Variants in SLC5A7 observed in about 807,000 individuals in gnomAD.
SLC5A7 encodes high affinity choline transporter 1.
Under a neutral mutation model 55.4 loss-of-function variants are expected in SLC5A7, and 19 were observed. The observed-to-expected ratio is 0.34, with a 90% CI of 0.24 to 0.50. SLC5A7 has a LOEUF of 0.50. Among genes scored for constraint, SLC5A7 ranks in the 20% least tolerant of loss-of-function variants. The pLI, the probability that SLC5A7 is intolerant of heterozygous loss-of-function variation, is 0.98. For missense variants in SLC5A7, 506 were observed against 705.3 expected, an observed-to-expected ratio of 0.72 and a Z score of 3.20; for synonymous variants, 265 against 263.7, an observed-to-expected ratio of 1.00 and a Z score of -0.05.
chr2:107,995,217 T>C (rs960260784), intron 4 of SLC5A7, among the ~76,000 whole-genome samples: 2 of 152,326 alleles, frequency 1.3e-5, no homozygotes, highest in African/African-American at 2.4e-5. Flanking sequence ...CTGAATACTA[T>C]AGGCAATTGT....
intron 5 of SLC5A7, among the ~76,000 whole-genome samples, 171 bp downstream of exon 5, chr2:107,998,157 G>T (rs17036632): frequency 1.3e-5 from 2 of 152,100 alleles, no homozygotes; most frequent in African/African-American, 2.4e-5. Flanking sequence ...TGAAAAACTC[G>T]TCATTTTGAT....
intron 6 of SLC5A7, among the ~76,000 whole-genome samples, chr2:108,005,265 C>G (rs1285593872): frequency 6.6e-6 from 1 of 152,124 alleles, no homozygotes; most frequent in Non-Finnish European, 1.5e-5. Flanking sequence ...AAGACCATGC[C>G]TTATTCATGT....
At position 108,002,084 on chromosome 2, in the gene SLC5A7, G is replaced by A. The variant is rs3731683; in HGVS notation, c.741+44G>A. Reference sequence around the variant, plus strand: ...TGAAGAATGTGATTTAATTGTTCCTGAAATCAAATTTGTTTTCACGATTTT... The same window carrying A: ...TGAAGAATGTGATTTAATTGTTCCTAAAATCAAATTTGTTTTCACGATTTT... On this transcript the variant is annotated intron_variant, in intron 6 of 8. Coordinates refer to ENST00000264047, the MANE Select transcript of SLC5A7 (RefSeq NM_021815.5). 0.35 allele frequency: 557,860 copies of A among 1,573,448 alleles called. 102,487 individuals carry two copies. Among genetic ancestry groups the A allele is most frequent in the African/African-American group, 0.57 (42,122 of 73,316 alleles).
chr2:107,993,555 A>G (rs1677538811), intron 4 of SLC5A7, among the ~76,000 whole-genome samples: 1 of 152,212 alleles, frequency 6.6e-6, no homozygotes, highest in South Asian at 2.1e-4. Flanking sequence ...TAAATGATTT[A>G]TATCTTAATT....
At chr2:108,002,854 TA>T (rs146216457) in intron 6 of SLC5A7, among the ~76,000 whole-genome samples, 5 of 151,436 alleles carry the variant, frequency 3.3e-5, no homozygotes, top group Non-Finnish European at 7.4e-5. Context: ...CCCATCTCTA[TA>T]AAAAAAAATC....
intron 2 of SLC5A7, among the ~76,000 whole-genome samples, chr2:107,989,589 G>C (rs1344334266): frequency 4.6e-5 from 7 of 152,148 alleles, no homozygotes; most frequent in Admixed American, 3.9e-4. Context: ...CAAGGACCAG[G>C]GCTGGAGCCA....
At chr2:107,998,544 T>G (rs917390826) in intron 5 of SLC5A7, among the ~76,000 whole-genome samples, 71 of 152,370 alleles carry the variant, frequency 4.7e-4, no homozygotes, top group African/African-American at 1.7e-3. Context: ...TTATTAGTAT[T>G]ATTAGCACTA....
At chr2:108,009,948 T>A (rs190547056) in intron 8 of SLC5A7, among the ~76,000 whole-genome samples, 1 of 152,140 alleles carries the variant, frequency 6.6e-6, no homozygotes, top group African/African-American at 2.4e-5. Flanking sequence ...CCTGACACCA[T>A]GTTAGCTCAT....
intron 4 of SLC5A7, among the ~76,000 whole-genome samples, chr2:107,995,470 A>AGTGTGT (rs57328827): frequency 0.016 from 2,236 of 137,210 alleles, 62 homozygotes; most frequent in African/African-American, 0.055. Context: ...AGAGAGAGAG[A>AGTGTGT]GTGTGTGTGT....
At chr2:108,008,306 T>C (rs79787562) in intron 7 of SLC5A7, among the ~76,000 whole-genome samples, 159 bp from the exon 8 acceptor site, 136 of 152,308 alleles carry the variant, frequency 8.9e-4, no homozygotes, top group African/African-American at 3.2e-3. Context: ...CCAAGAGATA[T>C]AAGACATTTC....
chr2:108,011,146 TAG>T lies in SLC5A7; in HGVS notation c.*288_*289del, dbSNP rs1678313294. The T allele has an allele frequency of 1.6e-5, 4 of 253,768 alleles. No homozygotes were observed. The highest frequency in any genetic ancestry group is 7.3e-5 in the East Asian group (1 of 13,628). The allele number at this position is 253,768 out of a possible 1,614,324, so 15.7% of individuals were successfully genotyped here. The stretch of plus-strand genomic sequence containing the variant: ...TCCACTTAGAGAACAAAGGGCCAAA[TAG>T]AGTTTTTATATTTGTTATGATAAAA... On this transcript the variant is annotated 3_prime_UTR_variant, in exon 9 of 9. Coordinates refer to ENST00000264047, the MANE Select transcript of SLC5A7 (RefSeq NM_021815.5).
intron 4 of SLC5A7, among the ~76,000 whole-genome samples, chr2:107,994,036 T>G (rs1205248685): frequency 1.3e-5 from 2 of 152,220 alleles, no homozygotes; most frequent in Admixed American, 1.3e-4. Context: ...CCTTAGCGTC[T>G]CCTCGACTCC....
intron 7 of SLC5A7, among the ~76,000 whole-genome samples, chr2:108,006,922 G>A (rs973024259): frequency 1.3e-5 from 2 of 151,964 alleles, no homozygotes; most frequent in African/African-American, 4.8e-5. Context: ...AGAAAGTGAT[G>A]GATAAGCATT....
intron 6 of SLC5A7, among the ~76,000 whole-genome samples, chr2:108,004,822 C>A (rs1678042179): frequency 6.6e-6 from 1 of 152,280 alleles, no homozygotes; most frequent in Non-Finnish European, 1.5e-5. Context: ...AGCCTATGGA[C>A]AATCTGCACT....
intron 2 of SLC5A7, 76 bp downstream of exon 2, chr2:107,988,409 A>C (rs1301469379): frequency 2.9e-6 from 4 of 1,366,228 alleles, no homozygotes; most frequent in East Asian, 2.3e-5. Context: ...GTGGCTTCAG[A>C]GTGACAAAGC....
chr2:108,010,440 C>G lies in SLC5A7; in HGVS notation c.1322C>G (p.Ser441Cys). The G allele has an allele frequency of 6.2e-7, 1 of 1,613,904 alleles. No homozygotes were observed. The change falls in exon 9 of 9, where the codon TCT (serine) becomes TGT (cysteine). Residue 441 changes from serine to cysteine, a missense_variant. Ser to Cys is a moderately radical substitution (Grantham distance 112). Around this residue, in one of 4 missense-constraint regions of SLC5A7, gnomAD observed 309 missense variants for 478.6 expected, o/e 0.65. Transcript: ENST00000264047. Reference sequence around the variant, plus strand: ...TATGGGGCCGTGGCAGGTTATGTTTCTGGCCTCTTCCTGAGAATAACTGGA... The same window carrying G: ...TATGGGGCCGTGGCAGGTTATGTTTGTGGCCTCTTCCTGAGAATAACTGGA... ...NTYGAVAGYV[S>C]GLFLRITGGE...
At chr2:107,999,139 A>T (rs1677790205) in intron 5 of SLC5A7, among the ~76,000 whole-genome samples, 1 of 152,184 alleles carries the variant, frequency 6.6e-6, no homozygotes, top group African/African-American at 2.4e-5. Context: ...TCGTCCATTC[A>T]TATTGTAACT....
chr2:107,988,194 G>A lies in SLC5A7; in HGVS notation c.39G>A (p.Val13=), dbSNP rs769388027. 7.5e-5 allele frequency: 121 copies of A among 1,614,052 alleles called. No homozygotes were observed. The highest frequency in any genetic ancestry group is 2.2e-5 in the South Asian group (2 of 91,076). ...FHVEGLIAII[V]FYLLILLVGI... ...TGGAAGGACTGATAGCTATCATCGT[G>A]TTCTACCTTCTAATTTTGCTGGTTG... The change falls in exon 2 of 9, where the codon GTG becomes GTA. Residue 13 remains valine, a synonymous_variant. Transcript: ENST00000264047.
At chr2:108,000,121 C>G (rs1356741678) in intron 5 of SLC5A7, among the ~76,000 whole-genome samples, 2 of 152,150 alleles carry the variant, frequency 1.3e-5, no homozygotes, top group South Asian at 4.1e-4. Context: ...ACTCCCTTGC[C>G]AGCAAAGCCT....
Sources: gnomAD v4.1 joint callset for allele counts (sites outside exome capture counted in the v4.1 genomes callset) on GRCh38, gnomAD v4.1.1 for gene constraint, gnomAD v4.1.1 regional missense constraint, MANE v1.5 for transcripts, NCBI Gene and HGNC (gene_info 2026-07-23, HGNC 2026-07-21) for gene names.